ZNF385B: variants seen among roughly 807,000 people sequenced by gnomAD.
ZNF385B encodes the protein zinc finger protein 533.
Under a neutral mutation model 39.2 loss-of-function variants are expected in ZNF385B, and 23 were observed. The observed-to-expected ratio is 0.59, with a 90% CI of 0.42 to 0.83. The LOEUF is 0.83. Among genes scored for constraint, ZNF385B ranks in the 40% least tolerant of loss-of-function variants. The probability of loss-of-function intolerance (pLI) is 0.00; values close to 1 mark genes in which losing one functional copy is unlikely to be tolerated. For synonymous variants in ZNF385B, 205 were observed against 222.6 expected (o/e 0.92, Z 0.70); for missense variants, 552 against 598.9 (o/e 0.92, Z 0.82).
intron 3 of ZNF385B, among the ~76,000 whole-genome samples, chr2:179,711,987 G>T (rs1307703940): frequency 2.1e-5 from 3 of 144,380 alleles, no homozygotes; most frequent in Middle Eastern, 3.5e-3. Context: ...TCTGTGTTTT[G>T]GTTGCCGGCT....
chr2:179,511,962 T>C (rs747997496), intron 5 of ZNF385B, among the ~76,000 whole-genome samples: 29 of 152,214 alleles, frequency 1.9e-4, no homozygotes, highest in Non-Finnish European at 2.9e-4. Context: ...ATGTTTATTA[T>C]GTTATTCAAA....
At chr2:179,474,124 T>C (rs1023192380) in intron 6 of ZNF385B, among the ~76,000 whole-genome samples, 3 of 150,932 alleles carry the variant, frequency 2.0e-5, no homozygotes, top group Non-Finnish European at 4.4e-5. Context: ...AAAAAACAGT[T>C]GTAAAATAGG....
intron 3 of ZNF385B, among the ~76,000 whole-genome samples, chr2:179,575,758 T>C (rs1685737879): frequency 6.6e-6 from 1 of 151,986 alleles, no homozygotes; most frequent in Non-Finnish European, 1.5e-5. Flanking sequence ...GTGGTAGTTA[T>C]GCCCAAGTGT....
intron 3 of ZNF385B, among the ~76,000 whole-genome samples, chr2:179,737,179 G>A (rs1701816028): frequency 6.6e-6 from 1 of 152,176 alleles, no homozygotes; most frequent in Non-Finnish European, 1.5e-5. Flanking sequence ...TTGAGTGGCG[G>A]TGTGGGGCTT....
At chr2:179,648,136 G>A (rs1286854804) in intron 3 of ZNF385B, among the ~76,000 whole-genome samples, 1 of 152,100 alleles carries the variant, frequency 6.6e-6, no homozygotes, top group Non-Finnish European at 1.5e-5. Context: ...GACTCAGCTT[G>A]CCATGGGGTA....
intron 3 of ZNF385B, among the ~76,000 whole-genome samples, chr2:179,701,190 G>A (rs1191695842): frequency 1.3e-5 from 2 of 152,108 alleles, no homozygotes; most frequent in Non-Finnish European, 2.9e-5. Context: ...CTCATATGAA[G>A]GTTAGACATC....
rs191791039 is a variant in ZNF385B at position 179,756,349 on chromosome 2, G to A, written c.298+13154C>T. ...TTGTAGAGTTTCTGCCAAGAGATCC[G>A]CTGTTAGTCTGATGGGCTTCCTTTG... On this transcript the variant is annotated intron_variant, in intron 3 of 9. Transcript: ENST00000410066. Among the ~76,000 whole-genome samples, 525 of 152,288 alleles carry A rather than the reference G, an allele frequency of 3.4e-3. 3 individuals carry two copies. Among genetic ancestry groups the A allele is most frequent in the Non-Finnish European group, 6.1e-3 (417 of 68,022 alleles).
At chr2:179,584,790 A>G (rs1686913218) in intron 3 of ZNF385B, among the ~76,000 whole-genome samples, 1 of 152,180 alleles carries the variant, frequency 6.6e-6, no homozygotes, top group Non-Finnish European at 1.5e-5. Context: ...ACATAGGGGC[A>G]TGACTCAGGC....
intron 3 of ZNF385B, among the ~76,000 whole-genome samples, chr2:179,580,714 C>T (rs1686402429): frequency 6.6e-6 from 1 of 152,310 alleles, no homozygotes; most frequent in Admixed American, 6.5e-5. Flanking sequence ...ACTGAATTGC[C>T]TGAAGACTTG....
intron 3 of ZNF385B, among the ~76,000 whole-genome samples, chr2:179,596,941 T>A (rs1295820227): frequency 6.6e-6 from 1 of 152,216 alleles, no homozygotes; most frequent in African/African-American, 2.4e-5. Context: ...ATATCCTTGC[T>A]CATCTTTCAC....
intron 4 of ZNF385B, among the ~76,000 whole-genome samples, chr2:179,531,374 G>A (rs1422959481): frequency 1.3e-5 from 2 of 152,122 alleles, no homozygotes; most frequent in Non-Finnish European, 2.9e-5. Flanking sequence ...TAGGGCTCAT[G>A]CCTGTAATCC....
In ZNF385B at chr2:179,702,983, A is replaced by G. The variant is rs78722307; in HGVS notation, c.298+66520T>C. Among the ~76,000 whole-genome samples, 1,194 of 152,300 alleles carry G rather than the reference A, an allele frequency of 7.8e-3. 17 individuals carry two copies. Among genetic ancestry groups the G allele is most frequent in the African/African-American group, 0.027 (1,101 of 41,544 alleles). On this transcript the variant is annotated intron_variant, in intron 3 of 9. Transcript: ENST00000410066. Reference sequence around the variant, plus strand: ...CCACCATCTTGGTTCTGACAACAAAAACTTCTGTCTGAATGATTGCAACAG... The same window carrying G: ...CCACCATCTTGGTTCTGACAACAAAGACTTCTGTCTGAATGATTGCAACAG...
chr2:179,650,314 G>T (rs1227548775), intron 3 of ZNF385B, among the ~76,000 whole-genome samples: 2 of 152,108 alleles, frequency 1.3e-5, no homozygotes, highest in African/African-American at 4.8e-5. Context: ...TAGGAGAAAA[G>T]GAAATAAATT....
intron 1 of ZNF385B, among the ~76,000 whole-genome samples, chr2:179,843,236 C>A (rs752999947): frequency 1.9e-4 from 29 of 152,156 alleles, no homozygotes; most frequent in Admixed American, 2.0e-4. Flanking sequence ...TTCTGCAACA[C>A]AACTCTCCCC....
chr2:179,476,544 T>C (rs1257956081), intron 6 of ZNF385B, among the ~76,000 whole-genome samples: 1 of 152,124 alleles, frequency 6.6e-6, no homozygotes, highest in Admixed American at 6.6e-5. Context: ...CACTAAAAAA[T>C]AGCTTTCAAA....
At chr2:179,762,394 G>A (rs56837904) in intron 3 of ZNF385B, among the ~76,000 whole-genome samples, 12,417 of 152,126 alleles carry the variant, frequency 0.082, 598 homozygotes, top group Non-Finnish European at 0.11. Context: ...GTTTTGCCAC[G>A]TTGGCCAGGC....
chr2:179,672,650 G>A (rs1696179527), intron 3 of ZNF385B, among the ~76,000 whole-genome samples: 1 of 152,076 alleles, frequency 6.6e-6, no homozygotes, highest in South Asian at 2.1e-4. Context: ...TGGAATTAGT[G>A]CCCTTATAAA....
Position 179,622,249 on chromosome 2 carries a change from C to G in ZNF385B, c.299-77280G>C, listed in dbSNP as rs556314246. ...AACTATTAATAAAAATGTAGTATAA[C>G]AGCCCAGTCCCAGAACTCATTCAGG... On this transcript the variant is annotated intron_variant, in intron 3 of 9. Transcript: ENST00000410066. Among the ~76,000 whole-genome samples, 199 of 152,282 alleles carry G rather than the reference C, an allele frequency of 1.3e-3. 3 individuals are homozygous for G. The Middle Eastern group carries it at 0.014, about 10-fold the overall frequency.
chr2:179,790,671 A>C (rs1223732452), intron 1 of ZNF385B, among the ~76,000 whole-genome samples: 1 of 152,142 alleles, frequency 6.6e-6, no homozygotes, highest in African/African-American at 2.4e-5. Flanking sequence ...TGTACCACTC[A>C]CCTGTTCCAC....
Sources: gnomAD v4.1 joint callset for allele counts (sites outside exome capture counted in the v4.1 genomes callset) on GRCh38, gnomAD v4.1.1 for gene constraint, MANE v1.5 for transcripts, NCBI Gene and HGNC (gene_info 2026-07-23, HGNC 2026-07-21) for gene names.